The following HSD17B11 variants were observed in gnomAD, a reference collection of about 807,000 sequenced individuals.
HSD17B11 encodes hydroxysteroid 17-beta dehydrogenase 11, also known as estradiol 17-beta-dehydrogenase 11.
HSD17B11 carries 22 observed loss-of-function variants against 27.8 expected under a neutral mutation model. The ratio of observed to expected loss-of-function variants is 0.79; its 90% confidence interval spans 0.56 to 1.13. HSD17B11 has a LOEUF of 1.13. Among genes scored for constraint, HSD17B11 ranks in the 50% most tolerant of loss-of-function variants. HSD17B11 has a pLI of 0.00. For missense variants in HSD17B11, 314 were observed against 351.1 expected (o/e 0.89, Z 0.84); for synonymous variants, 117 against 132.8 (o/e 0.88, Z 0.82).
chr4:87,337,354 C>T lies in HSD17B11; in HGVS notation c.825G>A (p.Glu275=), dbSNP rs1735073558. ...TTCGTTTTAAAACTGCCAGGAAACG[C>T]TCAGGAAGGATCCTAAAAGAAAGAT... is the stretch of plus-strand genomic sequence containing the variant. ...FLTTLERILP[E]RFLAVLKRKI... The change falls in exon 7 of 7, where the codon GAG becomes GAA. Residue 275 remains glutamate, a synonymous_variant. Transcript: ENST00000358290. The T allele has an allele frequency of 6.3e-7, 1 of 1,578,780 alleles. No individual in the cohort carries two copies. Among genetic ancestry groups the T allele is most frequent in the Non-Finnish European group, 8.7e-7 (1 of 1,150,326 alleles).
intron 1 of HSD17B11, among the ~76,000 whole-genome samples, chr4:87,389,615 G>C (rs550102780): frequency 6.6e-6 from 1 of 152,304 alleles, no homozygotes; most frequent in African/African-American, 2.4e-5. Context: ...TAATGTCTAA[G>C]CAGCAGACAG....
At chr4:87,359,493 C>G (rs888736791) in intron 4 of HSD17B11, among the ~76,000 whole-genome samples, 1 of 152,156 alleles carries the variant, frequency 6.6e-6, no homozygotes, top group Admixed American at 6.5e-5. Flanking sequence ...TCCCAAGTAG[C>G]TGGGACTACA....
At chr4:87,343,486 T>C (rs1476802965) in intron 5 of HSD17B11, among the ~76,000 whole-genome samples, 1 of 151,984 alleles carries the variant, frequency 6.6e-6, no homozygotes, top group Non-Finnish European at 1.5e-5. Flanking sequence ...TGAAGGATTG[T>C]ATTTGATGAC....
At chr4:87,374,618 C>G in intron 3 of HSD17B11, 81 bp downstream of exon 3, 1 of 1,357,436 alleles carries the variant, frequency 7.4e-7, no homozygotes. Context: ...TGATTTAATA[C>G]TTCCTTATGT....
At chr4:87,342,074 G>T (rs1735179999) in intron 5 of HSD17B11, among the ~76,000 whole-genome samples, 1 of 152,002 alleles carries the variant, frequency 6.6e-6, no homozygotes, top group South Asian at 2.1e-4. Flanking sequence ...TATTTTTAAT[G>T]TGTGTGTCTA....
intron 5 of HSD17B11, among the ~76,000 whole-genome samples, chr4:87,356,685 A>T (rs1014446720): frequency 6.6e-6 from 1 of 152,264 alleles, no homozygotes. Flanking sequence ...AAAGACATTA[A>T]AGCTATTTCT....
At chr4:87,370,139 G>A (rs1310649589) in intron 4 of HSD17B11, among the ~76,000 whole-genome samples, 2 of 152,108 alleles carry the variant, frequency 1.3e-5, no homozygotes, top group Non-Finnish European at 2.9e-5. Flanking sequence ...TGAATTACAG[G>A]GAAAAGGATC....
At position 87,346,690 on chromosome 4, in the gene HSD17B11, C is replaced by T. The variant is rs559755372; in HGVS notation, c.696-6084G>A. ...AATGAATGAAAATATTATTGTTGGC[C>T]AATTTAATGATAAAAATATCATATT... is the stretch of plus-strand genomic sequence containing the variant. On this transcript the variant is annotated intron_variant, in intron 5 of 6. Transcript: ENST00000358290. Among the ~76,000 whole-genome samples, 6 of 152,000 alleles carry T rather than the reference C, an allele frequency of 3.9e-5. No homozygotes were observed. In the South Asian group the frequency reaches 1.2e-3, roughly 32 times the overall value.
chr4:87,343,355 A>G (rs1735205715), intron 5 of HSD17B11, among the ~76,000 whole-genome samples: 1 of 152,114 alleles, frequency 6.6e-6, no homozygotes, highest in Non-Finnish European at 1.5e-5. Flanking sequence ...CCCATTAAAC[A>G]AATGTTCTTA....
rs1434914518 is a variant in HSD17B11, at chr4:87,391,161, A to G, written c.-91T>C. The G allele has an allele frequency of 3.3e-6, 3 of 910,010 alleles. No homozygotes were observed. The highest frequency in any genetic ancestry group is 5.0e-6 in the Non-Finnish European group (3 of 601,318). 56.4% of individuals were successfully genotyped at this position (910,010 alleles called of 1,614,324 possible). On this transcript the variant is annotated 5_prime_UTR_variant, in exon 1 of 7. Coordinates refer to ENST00000358290, the MANE Select transcript of HSD17B11 (RefSeq NM_016245.5). ...AGGGTAGCTCGATCTAACACCAGAA[A>G]GAGTAGGGGCGAGAGCAAGGAGGAA...
chr4:87,363,081 G>A (rs1285410858), intron 4 of HSD17B11, among the ~76,000 whole-genome samples: 1 of 152,028 alleles, frequency 6.6e-6, no homozygotes, highest in Non-Finnish European at 1.5e-5. Flanking sequence ...AGTAGCTAAT[G>A]TCTATGTTTT....
At chr4:87,341,364 G>T (rs1735164049) in intron 5 of HSD17B11, among the ~76,000 whole-genome samples, 1 of 152,052 alleles carries the variant, frequency 6.6e-6, no homozygotes, top group Admixed American at 6.6e-5. Context: ...TAGAGATAGG[G>T]TTTCACCATA....
intron 1 of HSD17B11, among the ~76,000 whole-genome samples, chr4:87,389,919 C>T (rs367910777): frequency 3.2e-4 from 49 of 152,134 alleles, no homozygotes; most frequent in African/African-American, 1.2e-3. Flanking sequence ...AGATGCTTTC[C>T]CGCCACTCCT....
At chr4:87,361,470 T>G (rs764075839) in intron 4 of HSD17B11, among the ~76,000 whole-genome samples, 1 of 152,172 alleles carries the variant, frequency 6.6e-6, no homozygotes, top group Non-Finnish European at 1.5e-5. Context: ...TCTACTTTCT[T>G]AATAAACTTG....
At chr4:87,339,174 C>T (rs1206520744) in intron 6 of HSD17B11, among the ~76,000 whole-genome samples, 3 of 152,158 alleles carry the variant, frequency 2.0e-5, no homozygotes, top group Non-Finnish European at 4.4e-5. Flanking sequence ...TAAGGGGCTG[C>T]GATCACTGAG....
At chr4:87,341,460 C>T (rs893874113) in intron 5 of HSD17B11, among the ~76,000 whole-genome samples, 2 of 152,152 alleles carry the variant, frequency 1.3e-5, no homozygotes, top group African/African-American at 4.8e-5. Context: ...GCAGGAGCCA[C>T]TGCAATTAGG....
chr4:87,378,890 A>T (rs1198236375), intron 2 of HSD17B11, among the ~76,000 whole-genome samples: 4 of 10,794 alleles, frequency 3.7e-4, no homozygotes, highest in South Asian at 5.3e-3. Flanking sequence ...AAATATATAT[A>T]TATAAATATA....
intron 2 of HSD17B11, among the ~76,000 whole-genome samples, chr4:87,381,749 A>T (rs1578047262): frequency 8.6e-6 from 1 of 115,764 alleles, no homozygotes; most frequent in Non-Finnish European, 1.8e-5. Flanking sequence ...ACAGAGTGAG[A>T]CCCCCCATCT....
At chr4:87,337,984 G>T in intron 6 of HSD17B11, among the ~76,000 whole-genome samples, 1 of 152,210 alleles carries the variant, frequency 6.6e-6, no homozygotes, top group East Asian at 1.9e-4. Flanking sequence ...TTGGGAGGCA[G>T]AGGCGGGTGG....
Sources: gnomAD v4.1 joint callset for allele counts (sites outside exome capture counted in the v4.1 genomes callset) on GRCh38, gnomAD v4.1.1 for gene constraint, MANE v1.5 for transcripts, NCBI Gene and HGNC (gene_info 2026-07-23, HGNC 2026-07-21) for gene names.